ARHGEF10: variants seen among roughly 807,000 people sequenced by gnomAD.
ARHGEF10 encodes Rho guanine nucleotide exchange factor 10.
Under a neutral mutation model 147.4 loss-of-function variants are expected in ARHGEF10, and 140 were observed. That is an observed-to-expected ratio of 0.95 (90% confidence interval 0.83 to 1.09). The LOEUF is 1.09. Ranked by LOEUF, ARHGEF10 falls within the 50% of genes least tolerant of loss-of-function variation. The probability of loss-of-function intolerance (pLI) is 0.00; values close to 1 mark genes in which losing one functional copy is unlikely to be tolerated. For missense variants in ARHGEF10, 2,222 were observed against 1,752.7 expected (o/e 1.27, Z -4.78); for synonymous variants, 902 against 695.8 (o/e 1.30, Z -4.67).
Position 1,885,687 on chromosome 8 carries a change from G to A in ARHGEF10, c.1162G>A (p.Glu388Lys), listed in dbSNP as rs542137480. ...GGAAGCCATCTTGACCCCGATGCCC[G>A]AGGGTTTATCTCAGCAGCAGGTGAG... ...HPEAILTPMP[E>K]GLSQQQVVRR... Residue 388 changes from glutamate to lysine, a missense_variant, in exon 11 of 29, where the codon GAG (glutamate) becomes AAG (lysine). Transcript: ENST00000349830. The A allele has an allele frequency of 2.4e-5, 38 of 1,613,880 alleles. No individual in the cohort carries two copies. Among genetic ancestry groups the A allele is most frequent in the East Asian group, 2.2e-4 (10 of 44,884 alleles).
At chr8:1,933,307 T>C (rs958459220) in intron 25 of ARHGEF10, among the ~76,000 whole-genome samples, 3 of 152,156 alleles carry the variant, frequency 2.0e-5, no homozygotes, top group Non-Finnish European at 4.4e-5. Context: ...TGCCCAGTTA[T>C]TTTGGATGCA....
intron 2 of ARHGEF10, among the ~76,000 whole-genome samples, chr8:1,850,246 G>T (rs1191507374): frequency 8.2e-6 from 1 of 122,524 alleles, no homozygotes; most frequent in African/African-American, 2.8e-5. Context: ...GGGCAGTCGC[G>T]TGGACACAGA....
At position 1,823,975 on chromosome 8, in the gene ARHGEF10, CGGGGTCGCG is replaced by C. The variant is rs1563137088; in HGVS notation, c.-181_-173del. On this transcript the variant is annotated 5_prime_UTR_variant, in exon 1 of 29. Coordinates refer to ENST00000349830, the MANE Select transcript of ARHGEF10 (RefSeq NM_014629.4). ...CGGCGGGCGCGCGATCCGGGACGGA[CGGGGTCGCG>C]GGGGACGCGGGGGACGCGGGGGACG... is the stretch of plus-strand genomic sequence containing the variant. 1 of 93,786 alleles carries C rather than the reference CGGGGTCGCG, an allele frequency of 1.1e-5. No homozygotes were observed. Among genetic ancestry groups the C allele is most frequent in the Non-Finnish European group, 2.1e-5 (1 of 48,716 alleles). The allele number at this position is 93,786 out of a possible 1,614,324, so 5.8% of individuals were successfully genotyped here.
intron 7 of ARHGEF10, among the ~76,000 whole-genome samples, chr8:1,874,850 G>A (rs1450210621): frequency 1.6e-5 from 2 of 122,090 alleles, no homozygotes; most frequent in Admixed American, 8.0e-5. Flanking sequence ...CGTGTAGGGG[G>A]TAGAGGTTCT....
chr8:1,906,821 G>T (rs1187469789), intron 17 of ARHGEF10, among the ~76,000 whole-genome samples: 2 of 152,228 alleles, frequency 1.3e-5, no homozygotes, highest in Non-Finnish European at 2.9e-5. Context: ...CCTGGCACAC[G>T]GCACTGCCTG....
At chr8:1,869,057 A>C in intron 6 of ARHGEF10, 137 bp from the exon 7 acceptor site, 2 of 791,590 alleles carry the variant, frequency 2.5e-6, no homozygotes, top group Non-Finnish European at 4.3e-6. Context: ...AAAAAGTAAA[A>C]AATAAAAAAA....
At chr8:1,911,289 A>AT (rs59812717) in intron 18 of ARHGEF10, among the ~76,000 whole-genome samples, 228 of 150,680 alleles carry the variant, frequency 1.5e-3, no homozygotes, top group Middle Eastern at 3.4e-3. Flanking sequence ...ACCTGCATTG[A>AT]TTTTTTTTTT....
intron 2 of ARHGEF10, among the ~76,000 whole-genome samples, chr8:1,847,380 A>G (rs1804639482): frequency 6.6e-6 from 1 of 152,250 alleles, no homozygotes; most frequent in Non-Finnish European, 1.5e-5. Flanking sequence ...GATTTCTCAG[A>G]ATGCAAAACA....
chr8:1,942,460 C>A (rs571661023), intron 26 of ARHGEF10, among the ~76,000 whole-genome samples: 2 of 151,854 alleles, frequency 1.3e-5, no homozygotes, highest in African/African-American at 4.8e-5. Flanking sequence ...GGAGCCAGCA[C>A]GCACTGCAGA....
intron 2 of ARHGEF10, among the ~76,000 whole-genome samples, chr8:1,853,724 C>T (rs2129064627): frequency 6.6e-6 from 1 of 152,316 alleles, no homozygotes. Context: ...GCCGGAAGTC[C>T]CAGGTCAGGG....
chr8:1,823,753 C>A (rs1027346407), upstream of ARHGEF10, among the ~76,000 whole-genome samples: 10 of 151,836 alleles, frequency 6.6e-5, no homozygotes, highest in African/African-American at 2.4e-4. Flanking sequence ...CAGCCTGGGC[C>A]GGGCGTTGGG....
At chr8:1,861,431 T>G (rs1806122844) in intron 4 of ARHGEF10, among the ~76,000 whole-genome samples, 1 of 152,192 alleles carries the variant, frequency 6.6e-6, no homozygotes. Context: ...AGCGACCCAG[T>G]CGAGGCGTCT....
chr8:1,892,707 G>A (rs1809643786), intron 11 of ARHGEF10, among the ~76,000 whole-genome samples: 1 of 151,358 alleles, frequency 6.6e-6, no homozygotes. Flanking sequence ...GGGTGGGTGT[G>A]TACAGGAGTG....
At chr8:1,941,651 A>G (rs1481169626) in intron 26 of ARHGEF10, among the ~76,000 whole-genome samples, 1 of 152,156 alleles carries the variant, frequency 6.6e-6, no homozygotes, top group African/African-American at 2.4e-5. Context: ...GATCCAGAAT[A>G]GCCAAAACAA....
chr8:1,929,227 ACCCTCGTTCTTGTT>A lies in ARHGEF10; in HGVS notation c.2922-58_2922-45del. Reference sequence around the variant, plus strand: ...AATGTTTGTGTTTATGTTAACAGGCACCCTCGTTCTTGTTACAACGAGCAAATATATTTATTAGC... The same window carrying A: ...AATGTTTGTGTTTATGTTAACAGGCAACAACGAGCAAATATATTTATTAGC... On this transcript the variant is annotated intron_variant, in intron 24 of 28. Transcript: ENST00000349830. 3 of 1,559,624 alleles carry A rather than the reference ACCCTCGTTCTTGTT, an allele frequency of 1.9e-6. No individual in the cohort carries two copies. In the African/African-American group the frequency reaches 4.1e-5, roughly 21 times the overall value.
At chr8:1,844,631 G>A (rs1053478585) in intron 2 of ARHGEF10, among the ~76,000 whole-genome samples, 5 of 152,160 alleles carry the variant, frequency 3.3e-5, no homozygotes, top group South Asian at 4.2e-4. Context: ...CCGGAAACCC[G>A]AGGCCACAGC....
chr8:1,943,142 G>T (rs1056725821), intron 26 of ARHGEF10, among the ~76,000 whole-genome samples: 1 of 152,248 alleles, frequency 6.6e-6, no homozygotes, highest in Non-Finnish European at 1.5e-5. Context: ...ATGGCTGCGG[G>T]GAGCGGCCTG....
At chr8:1,885,250 T>C (rs1057102626) in intron 10 of ARHGEF10, among the ~76,000 whole-genome samples, 1 of 152,260 alleles carries the variant, frequency 6.6e-6, no homozygotes, top group Non-Finnish European at 1.5e-5. Context: ...CTGATTGTGA[T>C]ATTTTATAGA....
intron 8 of ARHGEF10, among the ~76,000 whole-genome samples, chr8:1,879,614 A>G (rs991257101): frequency 2.5e-4 from 37 of 150,896 alleles, no homozygotes; most frequent in African/African-American, 6.6e-4. Flanking sequence ...GGGCAGTGGC[A>G]CCATCACGGC....
Sources: gnomAD v4.1 joint callset for allele counts (sites outside exome capture counted in the v4.1 genomes callset) on GRCh38, gnomAD v4.1.1 for gene constraint, MANE v1.5 for transcripts, NCBI Gene and HGNC (gene_info 2026-07-23, HGNC 2026-07-21) for gene names.